The following FMN2 variants were observed in gnomAD, a reference collection of about 807,000 sequenced individuals.
The protein encoded by FMN2 is formin 2, also known as formin-2.
A neutral mutation model predicts 142.3 loss-of-function variants in FMN2; 51 were observed. The observed-to-expected ratio is 0.36, with a 90% CI of 0.29 to 0.45. The LOEUF (loss-of-function observed/expected upper bound fraction) is 0.45, where lower values mean the gene tolerates loss of function less well. FMN2 is among the 20% of genes least tolerant of loss of function. The pLI is 1.00. For synonymous variants in FMN2, 882 were observed against 869.8 expected, an observed-to-expected ratio of 1.01 and a Z score of -0.25; for missense variants, 1,936 against 2,122.8, an observed-to-expected ratio of 0.91 and a Z score of 1.73.
chr1:240,276,372 G>A (rs889109808), intron 7 of FMN2, among the ~76,000 whole-genome samples: 10 of 152,168 alleles, frequency 6.6e-5, no homozygotes, highest in African/African-American at 1.9e-4. Flanking sequence ...ATAATGGTGC[G>A]TGGTTAAGAA....
intron 7 of FMN2, among the ~76,000 whole-genome samples, chr1:240,279,718 A>T (rs193243576): frequency 1.4e-3 from 217 of 152,292 alleles, no homozygotes; most frequent in African/African-American, 5.0e-3. Flanking sequence ...ACACCTCCCC[A>T]TATTTAACTA....
chr1:240,180,087 A>T, intron 3 of FMN2: 4 of 846,720 alleles, frequency 4.7e-6, no homozygotes, highest in African/African-American at 3.6e-5. Context: ...TTGCTTCATG[A>T]TTTGATGTAG....
chr1:240,215,482 C>T (rs1308861721), intron 6 of FMN2, among the ~76,000 whole-genome samples: 1 of 152,140 alleles, frequency 6.6e-6, no homozygotes, highest in Non-Finnish European at 1.5e-5. Context: ...AGCCTCTGCT[C>T]TTCCTAATTA....
At chr1:240,130,583 C>T (rs1571960062) in intron 2 of FMN2, among the ~76,000 whole-genome samples, 1 of 152,132 alleles carries the variant, frequency 6.6e-6, no homozygotes, top group Admixed American at 6.5e-5. Context: ...GGATTACAGG[C>T]GTGAGCCACC....
At chr1:240,213,304 T>C (rs1178002617) in intron 6 of FMN2, among the ~76,000 whole-genome samples, 1 of 152,184 alleles carries the variant, frequency 6.6e-6, no homozygotes. Flanking sequence ...ACAGGGTTTA[T>C]GGGACAGTCT....
At chr1:240,196,396 C>T (rs969422534) in intron 4 of FMN2, among the ~76,000 whole-genome samples, 1 of 152,172 alleles carries the variant, frequency 6.6e-6, no homozygotes, top group African/African-American at 2.4e-5. Context: ...GTGTGGTTTG[C>T]AGACTTCAGT....
intron 16 of FMN2, among the ~76,000 whole-genome samples, chr1:240,469,705 A>C (rs1051277733): frequency 6.6e-6 from 1 of 152,198 alleles, no homozygotes; most frequent in Non-Finnish European, 1.5e-5. Flanking sequence ...CTGTAAACCC[A>C]GCCTTCCCAC....
intron 5 of FMN2, among the ~76,000 whole-genome samples, chr1:240,209,396 G>T (rs769174483): frequency 1.3e-5 from 2 of 151,214 alleles, no homozygotes; most frequent in Admixed American, 1.3e-4. Flanking sequence ...GACTACAGGC[G>T]CCCGCCACCA....
intron 7 of FMN2, among the ~76,000 whole-genome samples, chr1:240,288,886 G>C (rs747710915): frequency 1.3e-4 from 20 of 152,096 alleles, no homozygotes; most frequent in Non-Finnish European, 2.2e-4. Context: ...TGTGAGTAAG[G>C]CTGGAAACAG....
At chr1:240,255,765 G>C (rs57169901) in intron 6 of FMN2, among the ~76,000 whole-genome samples, 41,375 of 151,980 alleles carry the variant, frequency 0.27, 5,782 homozygotes, top group Middle Eastern at 0.37. Context: ...ATGTCAAATG[G>C]AGATTATGGG....
chr1:240,250,188 T>C (rs529556728), intron 6 of FMN2, among the ~76,000 whole-genome samples: 1 of 152,168 alleles, frequency 6.6e-6, no homozygotes, highest in Non-Finnish European at 1.5e-5. Context: ...AGGAAAGGCT[T>C]TCATCTTTTC....
chr1:240,365,530 T>C (rs1455721812), intron 14 of FMN2, among the ~76,000 whole-genome samples: 2 of 152,196 alleles, frequency 1.3e-5, no homozygotes, highest in African/African-American at 4.8e-5. Flanking sequence ...TCATTTTATG[T>C]TGAACACAAA....
chr1:240,143,719 G>A (rs1377830682), intron 2 of FMN2: 5 of 1,568,016 alleles, frequency 3.2e-6, no homozygotes, highest in Non-Finnish European at 4.4e-6. Context: ...AAGCCAACGA[G>A]CATAAGAGTC....
At chr1:240,134,966 T>C (rs771744519) in intron 2 of FMN2, among the ~76,000 whole-genome samples, 19 of 152,190 alleles carry the variant, frequency 1.2e-4, no homozygotes, top group Non-Finnish European at 1.8e-4. Flanking sequence ...CTTGGTGTTA[T>C]GTTCATGACC....
intron 8 of FMN2, among the ~76,000 whole-genome samples, chr1:240,307,450 T>G (rs1430378222): frequency 7.9e-5 from 12 of 152,210 alleles, no homozygotes; most frequent in African/African-American, 2.4e-4. Context: ...TCCGGTTTCA[T>G]TCTTCTGCAT....
intron 1 of FMN2, among the ~76,000 whole-genome samples, chr1:240,098,538 C>T (rs770777616): frequency 5.9e-5 from 9 of 151,954 alleles, no homozygotes; most frequent in Non-Finnish European, 1.2e-4. Context: ...TAATGTCTGA[C>T]GAATGAAGGT....
At chr1:240,340,718 A>G (rs1295126427) in intron 13 of FMN2, among the ~76,000 whole-genome samples, 1 of 152,120 alleles carries the variant, frequency 6.6e-6, no homozygotes, top group Non-Finnish European at 1.5e-5. Context: ...AATAATTTTC[A>G]TTCTTTTGTA....
chr1:240,437,209 C>A (rs371485301), intron 15 of FMN2, among the ~76,000 whole-genome samples: 220 of 151,892 alleles, frequency 1.4e-3, no homozygotes, highest in African/African-American at 5.1e-3. Context: ...AGCAATCTAC[C>A]GTCAAAGTCC....
chr1:240,220,728 T>A (rs1667077139), intron 6 of FMN2, among the ~76,000 whole-genome samples: 1 of 152,076 alleles, frequency 6.6e-6, no homozygotes, highest in African/African-American at 2.4e-5. Flanking sequence ...TTATTTTCTT[T>A]TATTATACTT....
Sources: allele counts gnomAD v4.1 joint callset (sites outside exome capture counted in the v4.1 genomes callset), GRCh38; gene constraint gnomAD v4.1.1; transcripts MANE v1.5; gene names NCBI Gene and HGNC (gene_info 2026-07-23, HGNC 2026-07-21).